CTNND2: variants seen among roughly 807,000 people sequenced by gnomAD.
CTNND2 encodes catenin delta 2, also known as catenin delta-2.
Under a neutral mutation model 144.4 loss-of-function variants are expected in CTNND2, and 22 were observed. The observed-to-expected ratio is 0.15, with a 90% CI of 0.11 to 0.22. The LOEUF (loss-of-function observed/expected upper bound fraction) is 0.22. CTNND2 is among the 10% of genes least tolerant of loss of function. The pLI is 1.00. For missense variants in CTNND2, 1,353 were observed against 1,618.8 expected (o/e 0.84, Z 2.82); for synonymous variants, 751 against 695.6 (o/e 1.08, Z -1.25).
intron 9 of CTNND2, among the ~76,000 whole-genome samples, chr5:11,312,201 A>C: frequency 1.0e-5 from 1 of 98,940 alleles, no homozygotes; most frequent in Non-Finnish European, 2.0e-5. Flanking sequence ...CTCACCCCAC[A>C]TACACACTCA....
chr5:10,984,231 T>A (rs1737654140), intron 20 of CTNND2, among the ~76,000 whole-genome samples: 1 of 152,212 alleles, frequency 6.6e-6, no homozygotes, highest in Non-Finnish European at 1.5e-5. Flanking sequence ...GCTACCTCCG[T>A]ATGTATCCTC....
chr5:10,977,909 C>T (rs1561109264), intron 21 of CTNND2, among the ~76,000 whole-genome samples: 1 of 152,228 alleles, frequency 6.6e-6, no homozygotes, highest in African/African-American at 2.4e-5. Flanking sequence ...AGGAGCAGCA[C>T]CCACGTGTGG....
intron 20 of CTNND2, among the ~76,000 whole-genome samples, chr5:10,985,648 AG>A (rs1258899959): frequency 6.6e-6 from 1 of 152,226 alleles, no homozygotes; most frequent in African/African-American, 2.4e-5. Flanking sequence ...GCAGTTTTTC[AG>A]GTTATCTTTC....
At chr5:11,315,909 A>G (rs1229945536) in intron 9 of CTNND2, among the ~76,000 whole-genome samples, 8 of 152,170 alleles carry the variant, frequency 5.3e-5, no homozygotes, top group Admixed American at 5.2e-4. Flanking sequence ...ATAGAAATCA[A>G]TTTCATATAA....
At chr5:11,065,100 G>A (rs1580182018) in intron 16 of CTNND2, among the ~76,000 whole-genome samples, 2 of 152,178 alleles carry the variant, frequency 1.3e-5, no homozygotes, top group African/African-American at 2.4e-5. Context: ...TTGAGTTAAC[G>A]AGGGGTGGAG....
intron 2 of CTNND2, among the ~76,000 whole-genome samples, chr5:11,573,239 T>C (rs2150119125): frequency 6.6e-6 from 1 of 152,338 alleles, no homozygotes; most frequent in South Asian, 2.1e-4. Flanking sequence ...TTAACTGCCA[T>C]TATGTGCTGT....
intron 3 of CTNND2, among the ~76,000 whole-genome samples, chr5:11,551,599 CTTTG>C (rs1444666084): frequency 6.7e-6 from 1 of 149,590 alleles, no homozygotes; most frequent in Non-Finnish European, 1.5e-5. Flanking sequence ...TTTTTGTTTT[CTTTG>C]TTTGTTTGTT....
At chr5:11,509,216 C>T (rs1771387611) in intron 3 of CTNND2, among the ~76,000 whole-genome samples, 1 of 152,128 alleles carries the variant, frequency 6.6e-6, no homozygotes, top group African/African-American at 2.4e-5. Flanking sequence ...TTGCAGTTCC[C>T]CTAAGGCATT....
In CTNND2 at chr5:11,289,893, GA is replaced by G. The variant is rs1164807565; in HGVS notation, c.1629-53071del. ...AAAAGTTCCAGGGAAGGGCTCCCAT[GA>G]GCTCGGCTGGGGCAAGGTGCTGAAT... is the stretch of plus-strand genomic sequence containing the variant. On this transcript the variant is annotated intron_variant, in intron 9 of 21. Coordinates refer to ENST00000304623, the MANE Select transcript of CTNND2 (RefSeq NM_001332.4). Among the ~76,000 whole-genome samples the G allele has an allele frequency of 2.0e-5, 3 of 152,188 alleles. No homozygotes were observed. The East Asian group carries it at 5.8e-4, about 29-fold the overall frequency.
At chr5:11,122,047 G>A (rs1026802642) in intron 12 of CTNND2, among the ~76,000 whole-genome samples, 1 of 152,122 alleles carries the variant, frequency 6.6e-6, no homozygotes, top group African/African-American at 2.4e-5. Context: ...GTGACACATA[G>A]TTGGCTCTTA....
intron 6 of CTNND2, among the ~76,000 whole-genome samples, chr5:11,393,211 T>G (rs1759785519): frequency 6.6e-6 from 1 of 152,212 alleles, no homozygotes; most frequent in Non-Finnish European, 1.5e-5. Context: ...AAAAGTGTAT[T>G]GCTTTTCTAG....
intron 3 of CTNND2, among the ~76,000 whole-genome samples, chr5:11,475,980 C>T (rs1299671998): frequency 6.6e-6 from 1 of 151,978 alleles, no homozygotes; most frequent in Non-Finnish European, 1.5e-5. Context: ...CTACCTTAGC[C>T]TCCTGAGCAG....
intron 9 of CTNND2, among the ~76,000 whole-genome samples, chr5:11,288,893 T>C (rs1159475692): frequency 1.3e-5 from 2 of 149,954 alleles, no homozygotes; most frequent in East Asian, 3.9e-4. Flanking sequence ...CTGCAAGATA[T>C]AAGAGGAGGC....
At chr5:11,123,227 T>C (rs1204704792) in intron 12 of CTNND2, among the ~76,000 whole-genome samples, 1 of 152,124 alleles carries the variant, frequency 6.6e-6, no homozygotes, top group Non-Finnish European at 1.5e-5. Context: ...CGTTAGGAGG[T>C]AGGGGGGAGC....
intron 1 of CTNND2, among the ~76,000 whole-genome samples, chr5:11,841,796 C>A (rs1232607399): frequency 6.6e-6 from 1 of 151,454 alleles, no homozygotes; most frequent in Non-Finnish European, 1.5e-5. Context: ...GTTCTATGAC[C>A]CTGAGCCCTT....
rs73055786 is a variant in CTNND2 at position 11,305,928 on chromosome 5, T to C, written c.1628+40444A>G. Among the ~76,000 whole-genome samples, 969 of 152,304 alleles carry C rather than the reference T, an allele frequency of 6.4e-3. 8 individuals carry two copies. Among genetic ancestry groups the C allele is most frequent in the African/African-American group, 0.022 (929 of 41,560 alleles). Reference sequence around the variant, plus strand: ...ACAAGTTTGGCCCATTAAAAGGTATTGCACGGAGGTCTATACAAATGGCTT... The same window carrying C: ...ACAAGTTTGGCCCATTAAAAGGTATCGCACGGAGGTCTATACAAATGGCTT... On this transcript the variant is annotated intron_variant, in intron 9 of 21. Coordinates refer to ENST00000304623, the MANE Select transcript of CTNND2 (RefSeq NM_001332.4).
chr5:11,426,582 C>T (rs1762799440), intron 3 of CTNND2, among the ~76,000 whole-genome samples: 1 of 152,174 alleles, frequency 6.6e-6, no homozygotes, highest in Non-Finnish European at 1.5e-5. Context: ...TTGCAATGCC[C>T]TGATGGACTC....
rs1176559345 is a variant in CTNND2 at position 11,148,650 on chromosome 5, G to A, written c.2159+10926C>T. ...CCCTGCCTCATGGTGCTTTGGTGCT[G>A]TCTTTCTGGGCTGCTGTCCCCTTCT... On this transcript the variant is annotated intron_variant, in intron 12 of 21. Coordinates refer to ENST00000304623, the MANE Select transcript of CTNND2 (RefSeq NM_001332.4). 2.0e-5 allele frequency among the ~76,000 whole-genome samples: 3 copies of A among 152,348 alleles called. No homozygotes were observed. In the East Asian group the frequency reaches 5.8e-4, roughly 29 times the overall value.
At chr5:11,490,609 C>G (rs1162488480) in intron 3 of CTNND2, among the ~76,000 whole-genome samples, 1 of 152,090 alleles carries the variant, frequency 6.6e-6, no homozygotes, top group African/African-American at 2.4e-5. Context: ...AGAACATGCA[C>G]CTGTACAGAC....
Sources: gnomAD v4.1 joint callset for allele counts (sites outside exome capture counted in the v4.1 genomes callset) on GRCh38, gnomAD v4.1.1 for gene constraint, MANE v1.5 for transcripts, NCBI Gene and HGNC (gene_info 2026-07-23, HGNC 2026-07-21) for gene names.